DOCK1: variants seen among roughly 807,000 people sequenced by gnomAD.
The protein encoded by DOCK1 is dedicator of cytokinesis protein 1.
Under a neutral mutation model 262.7 loss-of-function variants are expected in DOCK1, and 138 were observed. That is an observed-to-expected ratio of 0.53 (90% confidence interval 0.46 to 0.61). The LOEUF (loss-of-function observed/expected upper bound fraction) is 0.61, where lower values mean the gene tolerates loss of function less well. Among genes scored for constraint, DOCK1 ranks in the 20% least tolerant of loss-of-function variants. The pLI is 0.00. For missense variants in DOCK1, 1,908 were observed against 2,370.7 expected, an observed-to-expected ratio of 0.80 and a Z score of 4.05; for synonymous variants, 866 against 867.4, an observed-to-expected ratio of 1.00 and a Z score of 0.03.
At chr10:127,215,564 A>C (rs759352984) in intron 27 of DOCK1, among the ~76,000 whole-genome samples, 1 of 152,202 alleles carries the variant, frequency 6.6e-6, no homozygotes, top group Non-Finnish European at 1.5e-5. Flanking sequence ...GATTGTGAAC[A>C]AACAGCTCTG....
intron 50 of DOCK1, among the ~76,000 whole-genome samples, chr10:127,445,426 G>A (rs2070473869): frequency 6.6e-6 from 1 of 152,214 alleles, no homozygotes; most frequent in African/African-American, 2.4e-5. Flanking sequence ...AGGAGTGGAT[G>A]CGTGAGTCTA....
intron 29 of DOCK1, among the ~76,000 whole-genome samples, chr10:127,334,786 AAATT>A (rs980755119): frequency 2.0e-5 from 3 of 152,172 alleles, no homozygotes; most frequent in Non-Finnish European, 2.9e-5. Flanking sequence ...TGTTTTTTAG[AAATT>A]AATTAATTAA....
At chr10:127,233,152 G>C (rs2058916690) in intron 27 of DOCK1, among the ~76,000 whole-genome samples, 1 of 152,278 alleles carries the variant, frequency 6.6e-6, no homozygotes, top group Middle Eastern at 3.4e-3. Context: ...TGTTCAAGGA[G>C]ATTAATCTCT....
chr10:127,051,512 A>G (rs903917189), intron 21 of DOCK1, among the ~76,000 whole-genome samples: 2 of 152,216 alleles, frequency 1.3e-5, no homozygotes, highest in Non-Finnish European at 2.9e-5. Flanking sequence ...CCAATAACAA[A>G]TACTGTTTCA....
chr10:127,433,431 G>A lies in DOCK1; in HGVS notation c.5060+3G>A. 1 of 1,613,868 alleles carries A rather than the reference G, an allele frequency of 6.2e-7. No homozygotes were observed. The highest frequency in any genetic ancestry group is 8.5e-7 in the Non-Finnish European group (1 of 1,179,860). ...CCTTCCAGACCAGGCTCCGACGGGTGAGTCAAGCTCACAGCAGGGCTGAGC... is the reference window on the plus strand; with the variant it reads ...CCTTCCAGACCAGGCTCCGACGGGTAAGTCAAGCTCACAGCAGGGCTGAGC... On this transcript the variant is annotated splice_donor_region_variant and intron_variant, in intron 48 of 51. Transcript: ENST00000623213.
At chr10:127,362,854 T>TACACATACACATCCCCCCACACACACAC (rs1565026479) in intron 33 of DOCK1, among the ~76,000 whole-genome samples, 2 of 27,696 alleles carry the variant, frequency 7.2e-5, no homozygotes, top group African/African-American at 1.5e-4. Context: ...CACACACACA[T>TACACATACACATCCCCCCACACACACAC]GTACATCCCC....
Position 127,170,119 on chromosome 10 carries a change from A to T in DOCK1, c.2847+42355A>T, listed in dbSNP as rs372950637. 1.2e-4 allele frequency among the ~76,000 whole-genome samples: 18 copies of T among 151,998 alleles called. No individual in the cohort carries two copies. The South Asian group carries it at 2.7e-3, about 23-fold the overall frequency. On this transcript the variant is annotated intron_variant, in intron 27 of 51. Transcript: ENST00000623213. Reference sequence around the variant, plus strand: ...CTGCTGACAGGGAACTGCCCCCATGATGGGGTGGCAGGGATGATGGGAGGT... The same window carrying T: ...CTGCTGACAGGGAACTGCCCCCATGTTGGGGTGGCAGGGATGATGGGAGGT...
At chr10:127,261,902 A>ATG (rs542700042) in intron 29 of DOCK1, among the ~76,000 whole-genome samples, 2 of 62,576 alleles carry the variant, frequency 3.2e-5, no homozygotes, top group South Asian at 1.1e-3. Context: ...GTGTGTGTGC[A>ATG]TGTGTGTGTG....
chr10:127,266,074 C>T (rs1590198901), intron 29 of DOCK1, among the ~76,000 whole-genome samples: 2 of 152,352 alleles, frequency 1.3e-5, no homozygotes, highest in Non-Finnish European at 1.5e-5. Context: ...AGGGGGCCTG[C>T]CCCCAGGACC....
chr10:127,017,732 C>G (rs9418785), intron 12 of DOCK1, among the ~76,000 whole-genome samples: 50,177 of 152,182 alleles, frequency 0.33, 9,048 homozygotes, highest in Non-Finnish European at 0.41. Flanking sequence ...GCAGCCCCCC[C>G]TGAGGCCTCA....
chr10:127,373,708 T>A, intron 33 of DOCK1, 73 bp from the exon 34 acceptor site: 1 of 1,367,410 alleles, frequency 7.3e-7, no homozygotes, highest in Non-Finnish European at 1.0e-6. Flanking sequence ...CGATTTATGT[T>A]CTATTGACAC....
chr10:127,071,424 GCAGTAGCACTACCTTGCAGAAATGCAA>G (rs2046227064), intron 23 of DOCK1, among the ~76,000 whole-genome samples: 1 of 152,220 alleles, frequency 6.6e-6, no homozygotes, highest in African/African-American at 2.4e-5. Flanking sequence ...CAGAAATGCA[GCAGTAGCACTACCTTGCAGAAATGCAA>G]CAGTAGCTGA....
At chr10:126,966,426 A>G (rs954707549) in intron 1 of DOCK1, among the ~76,000 whole-genome samples, 230 of 152,042 alleles carry the variant, frequency 1.5e-3, no homozygotes, top group Admixed American at 5.1e-3. Flanking sequence ...CAGTGGCGGG[A>G]TTGCTGGGTC....
chr10:127,198,278 G>A (rs1275162963), intron 27 of DOCK1, among the ~76,000 whole-genome samples: 1 of 152,258 alleles, frequency 6.6e-6, no homozygotes, highest in East Asian at 1.9e-4. Context: ...TGTTGCAGCT[G>A]TGGGCTCCAG....
At chr10:127,256,328 C>T (rs1303663579) in intron 28 of DOCK1, among the ~76,000 whole-genome samples, 1 of 152,220 alleles carries the variant, frequency 6.6e-6, no homozygotes, top group African/African-American at 2.4e-5. Flanking sequence ...TTCTTGGCTG[C>T]TTAAATTCTG....
chr10:127,261,754 T>C (rs568898591), intron 29 of DOCK1, among the ~76,000 whole-genome samples: 49 of 141,272 alleles, frequency 3.5e-4, no homozygotes, highest in African/African-American at 1.3e-3. Context: ...TGCTCATCTG[T>C]GTGTGTGCAT....
chr10:127,068,847 C>T (rs1417895360), intron 23 of DOCK1, among the ~76,000 whole-genome samples: 7 of 152,192 alleles, frequency 4.6e-5, no homozygotes, highest in African/African-American at 1.7e-4. Flanking sequence ...CTGTATATAT[C>T]TACCTGTGTC....
chr10:127,026,609 T>A (rs2135483329), intron 16 of DOCK1, 185 bp downstream of exon 16: 1 of 629,012 alleles, frequency 1.6e-6, no homozygotes, highest in Admixed American at 3.2e-5. Flanking sequence ...GGAGGAGATC[T>A]TAATTTCCTT....
chr10:126,958,931 G>T (rs2134503098), intron 1 of DOCK1, among the ~76,000 whole-genome samples: 1 of 152,326 alleles, frequency 6.6e-6, no homozygotes, highest in East Asian at 1.9e-4. Context: ...TGCCCCAGGC[G>T]GTCGGGGTGC....
Sources: gnomAD v4.1 joint callset for allele counts (sites outside exome capture counted in the v4.1 genomes callset) on GRCh38, gnomAD v4.1.1 for gene constraint, MANE v1.5 for transcripts, NCBI Gene and HGNC (gene_info 2026-07-23, HGNC 2026-07-21) for gene names.